Variants in SMAP2 observed in about 807,000 individuals in gnomAD.
The protein encoded by SMAP2 is stromal membrane-associated protein 2.
In SMAP2, 25 loss-of-function variants were observed where a neutral mutation model predicts 56.4. The observed-to-expected ratio is 0.44, with a 90% CI of 0.32 to 0.62. The LOEUF is 0.62. Ranked by LOEUF, SMAP2 falls within the 20% of genes least tolerant of loss-of-function variation. The probability of loss-of-function intolerance (pLI) is 0.04; values close to 1 mark genes in which losing one functional copy is unlikely to be tolerated. For missense variants in SMAP2, 388 were observed against 545.6 expected (o/e 0.71, Z 2.88); for synonymous variants, 157 against 181.7 (o/e 0.86, Z 1.09).
chr1:40,411,146 T>C (rs1644931992), intron 4 of SMAP2, among the ~76,000 whole-genome samples: 2 of 152,158 alleles, frequency 1.3e-5, no homozygotes, highest in African/African-American at 2.4e-5. Context: ...GTAATACATA[T>C]AGTTAGGTAA....
chr1:40,354,360 A>T (rs1349136922), intron 1 of SMAP2, among the ~76,000 whole-genome samples: 5 of 152,158 alleles, frequency 3.3e-5, no homozygotes, highest in Non-Finnish European at 7.3e-5. Context: ...TTTGCTTGTG[A>T]GATGGAGTCT....
chr1:40,350,037 G>A (rs375168751), intron 1 of SMAP2, among the ~76,000 whole-genome samples: 1 of 152,176 alleles, frequency 6.6e-6, no homozygotes, highest in African/African-American at 2.4e-5. Context: ...AGGCTGTGGG[G>A]TTGAATCTCC....
At chr1:40,346,668 C>T (rs1644387013) in intron 1 of SMAP2, among the ~76,000 whole-genome samples, 1 of 151,642 alleles carries the variant, frequency 6.6e-6, no homozygotes, top group African/African-American at 2.4e-5. Flanking sequence ...CTGCACATAA[C>T]CAAAAGTGTG....
upstream of SMAP2, among the ~76,000 whole-genome samples, chr1:40,371,639 A>G (rs1644496472): frequency 6.6e-6 from 1 of 152,222 alleles, no homozygotes; most frequent in Admixed American, 6.5e-5. Flanking sequence ...TAAATGCTTC[A>G]GAGACAAAGT....
At chr1:40,400,908 C>A (rs924346721) in intron 1 of SMAP2, among the ~76,000 whole-genome samples, 3 of 152,066 alleles carry the variant, frequency 2.0e-5, no homozygotes, top group African/African-American at 7.2e-5. Context: ...GCCTTTGTAT[C>A]CCCAGTACTT....
At position 40,416,939 on chromosome 1, in the gene SMAP2, C is replaced by T. The variant is rs369545710; in HGVS notation, c.1007C>T (p.Pro336Leu). 1.9e-6 allele frequency: 3 copies of T among 1,614,076 alleles called. No individual in the cohort carries two copies. The highest frequency in any genetic ancestry group is 2.7e-5 in the African/African-American group (2 of 74,944). Residue 336 changes from proline (P) to leucine (L), a missense_variant, in exon 9 of 10, where the codon CCT (proline) becomes CTT (leucine). Pro to Leu is a moderately conservative substitution (Grantham distance 98). Transcript: ENST00000372718. Reference protein sequence around the residue: ...ASGMVAPMAMPAGYMGGMQAS... With the variant: ...ASGMVAPMAMLAGYMGGMQAS... Reference sequence around the variant, plus strand: ...GGGATGGTTGCCCCCATGGCCATGCCTGCAGGCTATATGGGTGGCATGCAG... The same window carrying T: ...GGGATGGTTGCCCCCATGGCCATGCTTGCAGGCTATATGGGTGGCATGCAG...
chr1:40,345,871 T>C (rs1332462993), intron 1 of SMAP2, among the ~76,000 whole-genome samples: 2 of 134,062 alleles, frequency 1.5e-5, no homozygotes, highest in East Asian at 4.1e-4. Context: ...TTATATTATA[T>C]TGTATTATAT....
intron 4 of SMAP2, 141 bp from the exon 5 acceptor site, chr1:40,412,875 C>T (rs1644950458): frequency 1.6e-6 from 1 of 620,876 alleles, no homozygotes; most frequent in African/African-American, 1.9e-5. Flanking sequence ...CACACCAAGA[C>T]ACCGCCCCCC....
intron 1 of SMAP2, chr1:40,393,541 CTTTT>C (rs35913943): frequency 0.027 from 21,587 of 793,096 alleles, no homozygotes; most frequent in East Asian, 0.036. Context: ...GTTCTTCTAA[CTTTT>C]TTTTTTTTTT....
At chr1:40,412,051 G>A (rs1021963294) in intron 4 of SMAP2, among the ~76,000 whole-genome samples, 25 of 152,060 alleles carry the variant, frequency 1.6e-4, no homozygotes, top group African/African-American at 6.0e-4. Context: ...TCATCTTTCA[G>A]TGAGTAGCTA....
At chr1:40,369,426 G>C (rs1644488903), upstream of SMAP2, among the ~76,000 whole-genome samples, 1 of 149,200 alleles carries the variant, frequency 6.7e-6, no homozygotes, top group Non-Finnish European at 1.5e-5. Context: ...AACAAAGCTG[G>C]AGGCATCACA....
At chr1:40,345,919 T>TATTATATTAC (rs1644384238) in intron 1 of SMAP2, among the ~76,000 whole-genome samples, 1 of 143,684 alleles carries the variant, frequency 7.0e-6, no homozygotes, top group East Asian at 2.0e-4. Context: ...TATTATATTA[T>TATTATATTAC]ATTATATTAT....
At chr1:40,362,314 A>G (rs1057309042) in exon 2 of SMAP2, 2 of 152,246 alleles carry the variant, frequency 1.3e-5, no homozygotes, top group African/African-American at 4.8e-5. Context: ...TGTGCAGAGA[A>G]GCCAGGTTGA....
rs559098503 is a variant in SMAP2 at position 40,406,718 on chromosome 1, T to C, written c.104-18T>C. ...TGTTGTAATTTGTACTTTATTGCCC[T>C]GTTCCTGACTTTCACAGGGCCGCGA... On this transcript the variant is annotated intron_variant, in intron 1 of 9. Transcript: ENST00000372718. The C allele has an allele frequency of 1.4e-5, 23 of 1,607,710 alleles. 1 individual carries two copies. The South Asian group carries it at 2.0e-4, about 14-fold the overall frequency.
At chr1:40,360,671 G>C (rs915964034) in intron 1 of SMAP2, among the ~76,000 whole-genome samples, 8 of 152,334 alleles carry the variant, frequency 5.3e-5, no homozygotes, top group African/African-American at 1.9e-4. Flanking sequence ...GTGGCCCAGA[G>C]AGAATCAGTG....
intron 1 of SMAP2, among the ~76,000 whole-genome samples, chr1:40,361,934 A>G (rs1418240658): frequency 2.0e-5 from 3 of 152,214 alleles, no homozygotes; most frequent in Non-Finnish European, 4.4e-5. Flanking sequence ...CCTGTGGCCA[A>G]TGCAAAAGAG....
intron 1 of SMAP2, among the ~76,000 whole-genome samples, chr1:40,346,650 A>G (rs1267916523): frequency 6.6e-6 from 1 of 152,022 alleles, no homozygotes; most frequent in Non-Finnish European, 1.5e-5. Flanking sequence ...GATTACAGGC[A>G]TGAGCCACTG....
At chr1:40,359,229 A>C (rs935588618) in intron 1 of SMAP2, among the ~76,000 whole-genome samples, 1 of 152,102 alleles carries the variant, frequency 6.6e-6, no homozygotes, top group Admixed American at 6.5e-5. Flanking sequence ...CAGCCTCCCA[A>C]GTAGCTGGAA....
At position 40,406,119 on chromosome 1, in the gene SMAP2, C is replaced by A. The variant is rs1002627002; in HGVS notation, c.104-617C>A. On this transcript the variant is annotated intron_variant, in intron 1 of 9. Coordinates refer to ENST00000372718, the MANE Select transcript of SMAP2 (RefSeq NM_022733.3). The stretch of plus-strand genomic sequence containing the variant: ...TCCTGGTAGGAAAACCGAATACAGG[C>A]CACCACTAAAAAGTGGTGAATACAG... 9.2e-5 allele frequency among the ~76,000 whole-genome samples: 14 copies of A among 152,194 alleles called. 1 individual carries two copies. The highest frequency in any genetic ancestry group is 5.8e-4 in the East Asian group (3 of 5,184).
Sources: gnomAD v4.1 joint callset for allele counts (sites outside exome capture counted in the v4.1 genomes callset) on GRCh38, gnomAD v4.1.1 for gene constraint, MANE v1.5 for transcripts, NCBI Gene and HGNC (gene_info 2026-07-23, HGNC 2026-07-21) for gene names.